The following PKHD1 variants were observed in gnomAD, a reference collection of about 807,000 sequenced individuals.
PKHD1 encodes PKHD1 ciliary IPT domain containing fibrocystin/polyductin, also known as fibrocystin.
Under a neutral mutation model 412.0 loss-of-function variants are expected in PKHD1, and 291 were observed. That is an observed-to-expected ratio of 0.71 (90% confidence interval 0.64 to 0.78). The LOEUF (loss-of-function observed/expected upper bound fraction) is 0.78. PKHD1 is among the 30% of genes least tolerant of loss of function. The pLI, the probability that PKHD1 is intolerant of heterozygous loss-of-function variation, is 0.00. For missense variants in PKHD1, 4,825 were observed against 4,950.7 expected (o/e 0.97, Z 0.76); for synonymous variants, 1,777 against 1,821.5 (o/e 0.98, Z 0.62).
rs919009189 is a variant in PKHD1, at chr6:51,881,689, C to T, written c.7350+1404G>A. On this transcript the variant is annotated intron_variant, in intron 46 of 66. Coordinates refer to ENST00000371117, the MANE Select transcript of PKHD1 (RefSeq NM_138694.4). ...CTAGCTCCACAATACTAGGCATGAA[C>T]CTTAAACTGCCATTCAAGTTTCCAA... Among the ~76,000 whole-genome samples the T allele has an allele frequency of 2.0e-5, 3 of 152,250 alleles. No homozygotes were observed. In the East Asian group the frequency reaches 5.8e-4, roughly 29 times the overall value.
chr6:51,654,882 C>A (rs1224616677), intron 61 of PKHD1, among the ~76,000 whole-genome samples: 1 of 151,966 alleles, frequency 6.6e-6, no homozygotes, highest in African/African-American at 2.4e-5. Context: ...ATTGAATAAG[C>A]CTGGGTATTA....
In PKHD1 at chr6:52,017,919, G is replaced by A. The variant is rs150588115; in HGVS notation, c.5381-290C>T. 5.9e-5 allele frequency among the ~76,000 whole-genome samples: 9 copies of A among 152,182 alleles called. No homozygotes were observed. In the East Asian group the frequency reaches 1.2e-3, roughly 20 times the overall value. ...AATCTGTGTGTTTCTCCCCAAGTTC[G>A]TCCCTTTCCTCCTCATTCTCAGAAA... is the stretch of plus-strand genomic sequence containing the variant. On this transcript the variant is annotated intron_variant, in intron 33 of 66. Transcript: ENST00000371117.
chr6:51,757,596 C>T (rs1309471552), intron 55 of PKHD1, among the ~76,000 whole-genome samples: 1 of 152,050 alleles, frequency 6.6e-6, no homozygotes, highest in Non-Finnish European at 1.5e-5. Flanking sequence ...ACTTTCTGTA[C>T]CACCATCAAT....
In PKHD1 at chr6:52,056,689, G is replaced by C; in HGVS notation, c.1693+9C>G. ...AAAAAGACAATCAGAATGAAGCCACGGACAGCACCTCGTTCAAATCCAAGC... is the reference window on the plus strand; with the variant it reads ...AAAAAGACAATCAGAATGAAGCCACCGACAGCACCTCGTTCAAATCCAAGC... On this transcript the variant is annotated intron_variant, in intron 18 of 66. Transcript: ENST00000371117. 1 of 1,600,098 alleles carries C rather than the reference G, an allele frequency of 6.2e-7. No individual in the cohort carries two copies. Among genetic ancestry groups the C allele is most frequent in the Non-Finnish European group, 8.6e-7 (1 of 1,167,358 alleles).
At chr6:51,836,749 T>C (rs1769301313) in intron 50 of PKHD1, among the ~76,000 whole-genome samples, 1 of 152,204 alleles carries the variant, frequency 6.6e-6, no homozygotes, top group African/African-American at 2.4e-5. Context: ...AGCCATATGT[T>C]CTAAGGAAGC....
At chr6:51,800,055 G>A (rs945689576) in intron 52 of PKHD1, among the ~76,000 whole-genome samples, 1 of 152,148 alleles carries the variant, frequency 6.6e-6, no homozygotes, top group Non-Finnish European at 1.5e-5. Context: ...GCTGATGGGG[G>A]AGCTGATCTG....
chr6:52,047,112 T>C (rs1805970052), intron 23 of PKHD1, among the ~76,000 whole-genome samples: 2 of 152,208 alleles, frequency 1.3e-5, no homozygotes, highest in African/African-American at 4.8e-5. Context: ...AGGCTGACTT[T>C]CCCAGTTGTT....
intron 49 of PKHD1, among the ~76,000 whole-genome samples, chr6:51,852,949 A>G (rs1772576923): frequency 6.6e-6 from 1 of 152,134 alleles, no homozygotes; most frequent in Admixed American, 6.5e-5. Flanking sequence ...TGATCCTGTC[A>G]TCTTGATATA....
chr6:51,722,096 G>C (rs576983058), intron 60 of PKHD1: 2 of 1,610,048 alleles, frequency 1.2e-6, no homozygotes, highest in Non-Finnish European at 1.7e-6. Flanking sequence ...TTTTCTTCTC[G>C]GCATGCTTTC....
chr6:51,796,412 G>T (rs1205268262), intron 52 of PKHD1, among the ~76,000 whole-genome samples: 2 of 144,012 alleles, frequency 1.4e-5, no homozygotes, highest in African/African-American at 5.1e-5. Context: ...TATTAATCTA[G>T]CTAGCAGTCT....
At chr6:51,838,138 C>T (rs1582963199) in intron 50 of PKHD1, among the ~76,000 whole-genome samples, 2 of 152,142 alleles carry the variant, frequency 1.3e-5, no homozygotes. Context: ...CTTCTAAATC[C>T]ATCCTGTGAT....
intron 29 of PKHD1, among the ~76,000 whole-genome samples, chr6:52,029,449 T>C (rs998604382): frequency 1.3e-5 from 2 of 152,018 alleles, no homozygotes; most frequent in Non-Finnish European, 2.9e-5. Flanking sequence ...GGTAGTAAAA[T>C]AGGTGACAAA....
intron 60 of PKHD1, chr6:51,721,674 G>C: frequency 1.6e-6 from 2 of 1,232,404 alleles, no homozygotes; most frequent in Non-Finnish European, 2.0e-6. Context: ...ATCTGCTACT[G>C]GAACTTCCAT....
chr6:51,643,753 T>C (rs1049825035), intron 63 of PKHD1, among the ~76,000 whole-genome samples: 1 of 152,058 alleles, frequency 6.6e-6, no homozygotes, highest in African/African-American at 2.4e-5. Flanking sequence ...TAGGCAAACA[T>C]GCGCCGTGGT....
intron 32 of PKHD1, among the ~76,000 whole-genome samples, chr6:52,023,607 G>T (rs1362201224): frequency 1.3e-5 from 2 of 152,010 alleles, no homozygotes; most frequent in South Asian, 2.1e-4. Flanking sequence ...AGTAAAACCA[G>T]TCCACATTTC....
chr6:51,835,100 T>G (rs1307196727), intron 51 of PKHD1, among the ~76,000 whole-genome samples: 2 of 152,214 alleles, frequency 1.3e-5, no homozygotes, highest in Non-Finnish European at 2.9e-5. Context: ...AATTGACAGT[T>G]GTAATGCAAG....
intron 21 of PKHD1, among the ~76,000 whole-genome samples, chr6:52,050,693 G>A (rs141554360): frequency 5.8e-4 from 89 of 152,276 alleles, no homozygotes; most frequent in Non-Finnish European, 1.1e-3. Context: ...CCTCTTAGGA[G>A]CACTGAACTC....
intron 35 of PKHD1, among the ~76,000 whole-genome samples, chr6:51,980,684 G>A (rs1795023979): frequency 6.6e-6 from 1 of 152,198 alleles, no homozygotes; most frequent in African/African-American, 2.4e-5. Context: ...TAGAGAAAAT[G>A]AAAGCTAAAA....
intron 52 of PKHD1, among the ~76,000 whole-genome samples, chr6:51,830,034 C>T (rs1767980252): frequency 6.6e-6 from 1 of 152,104 alleles, no homozygotes; most frequent in Non-Finnish European, 1.5e-5. Context: ...GTTCCCGGCA[C>T]ATTGTTAGTT....
Sources: allele counts gnomAD v4.1 joint callset (sites outside exome capture counted in the v4.1 genomes callset), GRCh38; gene constraint gnomAD v4.1.1; transcripts MANE v1.5; gene names NCBI Gene and HGNC (gene_info 2026-07-23, HGNC 2026-07-21).